The following NELL1 variants were observed in gnomAD, a reference collection of about 807,000 sequenced individuals.
The protein encoded by NELL1 is neural EGFL like 1, also known as protein kinase C-binding protein NELL1.
Under a neutral mutation model 107.4 loss-of-function variants are expected in NELL1, and 76 were observed. The observed-to-expected ratio is 0.71, with a 90% CI of 0.59 to 0.86. NELL1 has a LOEUF of 0.86. Among genes scored for constraint, NELL1 ranks in the 40% least tolerant of loss-of-function variants. NELL1 has a pLI of 0.00. For synonymous variants in NELL1, 353 were observed against 341.2 expected, an observed-to-expected ratio of 1.03 and a Z score of -0.38; for missense variants, 1,024 against 1,005.5, an observed-to-expected ratio of 1.02 and a Z score of -0.25.
At chr11:20,829,977 G>T (rs929627796) in intron 3 of NELL1, among the ~76,000 whole-genome samples, 2 of 152,054 alleles carry the variant, frequency 1.3e-5, no homozygotes, top group African/African-American at 4.8e-5. Flanking sequence ...AAAGAAATTA[G>T]TAGTAAAGGA....
At chr11:21,132,613 A>T (rs1855647818) in intron 13 of NELL1, among the ~76,000 whole-genome samples, 1 of 152,152 alleles carries the variant, frequency 6.6e-6, no homozygotes, top group South Asian at 2.1e-4. Flanking sequence ...CTTCCACTGC[A>T]GGCACCTGAA....
intron 16 of NELL1, among the ~76,000 whole-genome samples, chr11:21,543,431 A>T (rs2133980925): frequency 6.6e-6 from 1 of 152,172 alleles, no homozygotes; most frequent in South Asian, 2.1e-4. Flanking sequence ...TAAAAGTTTC[A>T]GATGGACAGA....
chr11:21,021,703 T>G (rs1300848825), intron 12 of NELL1, among the ~76,000 whole-genome samples: 1 of 152,092 alleles, frequency 6.6e-6, no homozygotes, highest in Admixed American at 6.6e-5. Context: ...ACGGTGGTGA[T>G]AGGCCCATTT....
At chr11:20,748,902 A>G (rs1174316534) in intron 2 of NELL1, among the ~76,000 whole-genome samples, 1 of 147,352 alleles carries the variant, frequency 6.8e-6, no homozygotes, top group Non-Finnish European at 1.5e-5. Context: ...CCATCCATCC[A>G]CCCAGCCACC....
chr11:21,187,115 T>G (rs1856951273), intron 13 of NELL1, among the ~76,000 whole-genome samples: 1 of 151,864 alleles, frequency 6.6e-6, no homozygotes, highest in South Asian at 2.1e-4. Context: ...TTAAAAGTCT[T>G]TTTTTTGTCC....
At chr11:20,800,057 C>T (rs949651856) in intron 3 of NELL1, among the ~76,000 whole-genome samples, 2 of 152,166 alleles carry the variant, frequency 1.3e-5, no homozygotes, top group Non-Finnish European at 2.9e-5. Context: ...TCAATGGCTG[C>T]GTAGTATCCC....
intron 15 of NELL1, among the ~76,000 whole-genome samples, chr11:21,397,901 A>G (rs1169616156): frequency 6.6e-6 from 1 of 151,536 alleles, no homozygotes; most frequent in Non-Finnish European, 1.5e-5. Flanking sequence ...GTGAGAAGAC[A>G]AAGCTCTCAC....
chr11:20,716,580 C>T (rs577240320), intron 2 of NELL1, among the ~76,000 whole-genome samples: 1 of 152,272 alleles, frequency 6.6e-6, no homozygotes, highest in East Asian at 1.9e-4. Context: ...TGTGTGCATG[C>T]TTACATATTA....
intron 2 of NELL1, among the ~76,000 whole-genome samples, chr11:20,701,671 G>C (rs36138995): frequency 6.6e-6 from 1 of 151,782 alleles, no homozygotes; most frequent in Non-Finnish European, 1.5e-5. Flanking sequence ...AATCCATCTT[G>C]AATTCATTTT....
At chr11:21,274,315 A>G (rs1848806705) in intron 14 of NELL1, among the ~76,000 whole-genome samples, 1 of 152,226 alleles carries the variant, frequency 6.6e-6, no homozygotes, top group Admixed American at 6.5e-5. Flanking sequence ...CCATTACATA[A>G]TGGTAAAAGG....
chr11:21,081,261 A>C (rs1044279999), intron 12 of NELL1, among the ~76,000 whole-genome samples: 4 of 152,150 alleles, frequency 2.6e-5, no homozygotes, highest in Middle Eastern at 3.2e-3. Flanking sequence ...CTGTGGTAAC[A>C]CATTCTATTG....
intron 2 of NELL1, among the ~76,000 whole-genome samples, chr11:20,722,210 G>T (rs949934435): frequency 6.6e-6 from 1 of 151,890 alleles, no homozygotes; most frequent in Admixed American, 6.6e-5. Context: ...TAGTAGAGAC[G>T]TGATTTTGCT....
At chr11:20,915,700 G>GAGATATATATATATATATATATAT (rs1554943700) in intron 5 of NELL1, among the ~76,000 whole-genome samples, 3 of 29,440 alleles carry the variant, frequency 1.0e-4, no homozygotes, top group Non-Finnish European at 2.2e-4. Flanking sequence ...CCTCATAGAT[G>GAGATATATATATATATATATATAT]ATATATATAT....
intron 14 of NELL1, among the ~76,000 whole-genome samples, chr11:21,354,865 G>C (rs1010258613): frequency 2.1e-5 from 3 of 143,966 alleles, no homozygotes; most frequent in Non-Finnish European, 4.4e-5. Flanking sequence ...AAAGTCTCTA[G>C]ACTGTGACCT....
At chr11:21,453,185 T>C (rs536677270) in intron 15 of NELL1, among the ~76,000 whole-genome samples, 1 of 152,118 alleles carries the variant, frequency 6.6e-6, no homozygotes, top group Non-Finnish European at 1.5e-5. Flanking sequence ...CTACTTGCTC[T>C]AACAACTGCT....
chr11:21,564,240 G>A (rs1046920526), intron 17 of NELL1, among the ~76,000 whole-genome samples: 1 of 151,954 alleles, frequency 6.6e-6, no homozygotes, highest in African/African-American at 2.4e-5. Context: ...AGGTTCAGAG[G>A]AGTAAAGATG....
chr11:21,071,005 C>T (rs1853999840), intron 12 of NELL1, among the ~76,000 whole-genome samples: 1 of 152,102 alleles, frequency 6.6e-6, no homozygotes. Flanking sequence ...AAGTGCTAAC[C>T]TTGTTTTTAG....
intron 2 of NELL1, among the ~76,000 whole-genome samples, chr11:20,699,341 G>A (rs1468729063): frequency 2.6e-5 from 4 of 151,890 alleles, no homozygotes; most frequent in African/African-American, 7.3e-5. Context: ...GTATATATAT[G>A]TATACACCAC....
intron 12 of NELL1, among the ~76,000 whole-genome samples, chr11:21,044,707 G>A (rs1369949449): frequency 6.6e-6 from 1 of 152,142 alleles, no homozygotes; most frequent in Non-Finnish European, 1.5e-5. Flanking sequence ...TTCTTAACAA[G>A]AAGTAAAAGA....
Sources: gnomAD v4.1 joint callset for allele counts (sites outside exome capture counted in the v4.1 genomes callset) on GRCh38, gnomAD v4.1.1 for gene constraint, MANE v1.5 for transcripts, NCBI Gene and HGNC (gene_info 2026-07-23, HGNC 2026-07-21) for gene names.